Variants in GPATCH2L observed in about 807,000 individuals in gnomAD.
GPATCH2L encodes the protein G-patch domain containing 2 like.
Under a neutral mutation model 57.4 loss-of-function variants are expected in GPATCH2L, and 31 were observed. The observed-to-expected ratio is 0.54, with a 90% CI of 0.41 to 0.73. The LOEUF (loss-of-function observed/expected upper bound fraction) is 0.73. Among genes scored for constraint, GPATCH2L ranks in the 30% least tolerant of loss-of-function variants. The probability of loss-of-function intolerance (pLI) is 0.00; values close to 1 mark genes in which losing one functional copy is unlikely to be tolerated. For synonymous variants in GPATCH2L, 199 were observed against 210.7 expected, an observed-to-expected ratio of 0.94 and a Z score of 0.48; for missense variants, 481 against 599.9, an observed-to-expected ratio of 0.80 and a Z score of 2.07.
downstream of GPATCH2L, among the ~76,000 whole-genome samples, chr14:76,217,605 ACCT>A (rs2040495560): frequency 6.6e-6 from 1 of 150,966 alleles, no homozygotes; most frequent in African/African-American, 2.4e-5. Flanking sequence ...TGAAAAAAAA[ACCT>A]TGCATGCATA....
At position 76,154,934 on chromosome 14, in the gene GPATCH2L, AG is replaced by A; in HGVS notation, c.573del (p.Thr192LeufsTer3). ...GHGLCESAEN[R>X]TFLSKTGRKE... ...CGGATTGTGTGAATCAGCAGAAAAT[AG>A]GACTTTCCTAAGCAAAACAGGAAGG... On this transcript the variant is annotated frameshift_variant, in exon 2 of 10. Transcript: ENST00000261530. LOFTEE classifies it high-confidence loss of function. This position sits in a 1 kb window ranked among gnomAD's most constrained non-coding sequence, Gnocchi z 4.4. 6.2e-7 allele frequency: 1 copy of A among 1,614,186 alleles called. No homozygotes were observed. Among genetic ancestry groups the A allele is most frequent in the Non-Finnish European group, 8.5e-7 (1 of 1,179,980 alleles).
At chr14:76,182,603 AAAAG>A (rs1443531955) in intron 8 of GPATCH2L, among the ~76,000 whole-genome samples, 10 of 150,506 alleles carry the variant, frequency 6.6e-5, no homozygotes, top group African/African-American at 2.5e-4. Context: ...AAAAAAAAAA[AAAAG>A]AAAAGAATGT....
chr14:76,227,420 C>G (rs1479799972), intron 1 of GPATCH2L, among the ~76,000 whole-genome samples: 1 of 152,078 alleles, frequency 6.6e-6, no homozygotes, highest in East Asian at 1.9e-4. Flanking sequence ...GTACCAGAGT[C>G]CAGGGGGGAG....
downstream of GPATCH2L, among the ~76,000 whole-genome samples, chr14:76,215,249 T>C (rs1269494817): frequency 6.6e-6 from 1 of 151,890 alleles, no homozygotes; most frequent in Non-Finnish European, 1.5e-5. Context: ...TGGCAATCAT[T>C]AAAAAGTCAG....
In GPATCH2L at chr14:76,214,053, G is replaced by A. The variant is rs1157948234; in HGVS notation, c.*12202G>A. Reference sequence around the variant, plus strand: ...TCCCCCTTATAATTTTTCCTATTGTGCTTCTGGCTATTCATACATGTTTGT... The same window carrying A: ...TCCCCCTTATAATTTTTCCTATTGTACTTCTGGCTATTCATACATGTTTGT... On this transcript the variant is annotated 3_prime_UTR_variant, in exon 10 of 10. Transcript: ENST00000261530. 6.6e-6 allele frequency: 1 copy of A among 152,016 alleles called. No individual in the cohort carries two copies. Among genetic ancestry groups the A allele is most frequent in the Non-Finnish European group, 1.5e-5 (1 of 67,996 alleles). 9.4% of individuals were successfully genotyped at this position (152,016 alleles called of 1,614,324 possible).
downstream of GPATCH2L, among the ~76,000 whole-genome samples, chr14:76,216,934 T>A (rs2139857388): frequency 6.6e-6 from 1 of 152,202 alleles, no homozygotes; most frequent in South Asian, 2.1e-4. Flanking sequence ...AAAAGATGGA[T>A]TATAAAAATG....
chr14:76,154,964 G>A lies in GPATCH2L; in HGVS notation c.601G>A (p.Glu201Lys). ...RTFLSKTGRK[E>K]RMECETDEQK... ...TTTCCTAAGCAAAACAGGAAGGAAA[G>A]AAAGGATGGAGTGTGAAACAGATGA... Residue 201 changes from glutamate to lysine, a missense_variant, in exon 2 of 10, where the codon GAA (glutamate) becomes AAA (lysine). This residue lies in a region of GPATCH2L where 208 missense variants were observed against 272.4 expected (regional missense o/e 0.76). Coordinates refer to ENST00000261530, the MANE Select transcript of GPATCH2L (RefSeq NM_017926.4). The surrounding 1 kb of genome is among the most constrained non-coding windows in gnomAD (Gnocchi z 4.4). 1 of 1,614,042 alleles carries A rather than the reference G, an allele frequency of 6.2e-7. No individual in the cohort carries two copies. The highest frequency in any genetic ancestry group is 2.2e-5 in the East Asian group (1 of 44,888).
At chr14:76,219,833 T>C (rs115053357) in intron 1 of GPATCH2L, among the ~76,000 whole-genome samples, 2 of 152,104 alleles carry the variant, frequency 1.3e-5, no homozygotes, top group African/African-American at 4.8e-5. Context: ...GATTTGTGAG[T>C]GGTGGCAGTT....
chr14:76,169,539 C>T (rs1023090811), intron 3 of GPATCH2L, among the ~76,000 whole-genome samples: 2 of 152,154 alleles, frequency 1.3e-5, no homozygotes, highest in East Asian at 3.9e-4. Context: ...TCCCTGGCAG[C>T]GCTCTTTTAA....
At chr14:76,184,274 G>C (rs953172292) in intron 8 of GPATCH2L, among the ~76,000 whole-genome samples, 1 of 152,124 alleles carries the variant, frequency 6.6e-6, no homozygotes, top group African/African-American at 2.4e-5. Context: ...TCCTCAGGGA[G>C]TGCTTCCCTT....
At chr14:76,231,831 T>A (rs531292385) in intron 2 of GPATCH2L, among the ~76,000 whole-genome samples, 2 of 152,376 alleles carry the variant, frequency 1.3e-5, no homozygotes, top group South Asian at 4.1e-4. Flanking sequence ...ATTCTACATG[T>A]ATATAGTAAT....
Position 76,232,992 on chromosome 14 carries a change from A to G in GPATCH2L, c.*117+3039A>G, listed in dbSNP as rs144486593. Among the ~76,000 whole-genome samples, 264 of 152,310 alleles carry G rather than the reference A, an allele frequency of 1.7e-3. 1 individual carries two copies. Among genetic ancestry groups the G allele is most frequent in the South Asian group, 0.016 (75 of 4,816 alleles). ...CCAGTGGCCAAGGCCCCAGGCAAAC[A>G]AAGGCACTCTTACCAGGCAGGACAT... On this transcript the variant is annotated intron_variant and NMD_transcript_variant, in intron 2 of 3. Coordinates refer to the GPATCH2L transcript ENST00000556372.
intron 5 of GPATCH2L, chr14:76,175,291 A>C (rs923442700): frequency 6.6e-6 from 1 of 152,138 alleles, no homozygotes; most frequent in South Asian, 2.1e-4. Context: ...AATGAATAGG[A>C]TAATATTTAC....
chr14:76,160,857 T>C (rs946102288), intron 2 of GPATCH2L, among the ~76,000 whole-genome samples: 1 of 152,188 alleles, frequency 6.6e-6, no homozygotes, highest in African/African-American at 2.4e-5. Context: ...ATGGGTGGAC[T>C]TCTCTGAGGC....
chr14:76,168,207 A>G (rs968570151), intron 3 of GPATCH2L, among the ~76,000 whole-genome samples: 10 of 152,194 alleles, frequency 6.6e-5, no homozygotes, highest in Non-Finnish European at 1.2e-4. Context: ...TCCTTGAATG[A>G]CTGGTCATCT....
At chr14:76,172,528 A>T (rs2039132815) in intron 4 of GPATCH2L, among the ~76,000 whole-genome samples, 1 of 152,120 alleles carries the variant, frequency 6.6e-6, no homozygotes, top group African/African-American at 2.4e-5. Flanking sequence ...TTCAATTATG[A>T]TGTAGCAAAG....
chr14:76,190,948 C>G (rs1478152169), intron 8 of GPATCH2L, among the ~76,000 whole-genome samples: 3 of 152,088 alleles, frequency 2.0e-5, no homozygotes, highest in Admixed American at 1.3e-4. Context: ...TTATACTTAG[C>G]CTTTTATACA....
At chr14:76,200,234 C>G (rs544505811) in intron 9 of GPATCH2L, among the ~76,000 whole-genome samples, 37 of 152,158 alleles carry the variant, frequency 2.4e-4, no homozygotes, top group African/African-American at 8.0e-4. Flanking sequence ...ATGAAAAAGT[C>G]CTGGTGATAA....
In GPATCH2L at chr14:76,208,216, A is replaced by G. The variant is rs150279365; in HGVS notation, c.*6365A>G. On this transcript the variant is annotated 3_prime_UTR_variant, in exon 10 of 10. Coordinates refer to ENST00000261530, the MANE Select transcript of GPATCH2L (RefSeq NM_017926.4). The stretch of plus-strand genomic sequence containing the variant: ...AGTTCTGACCCTTGCTGACCCCTCA[A>G]TCAAATGTTTTTAATTGAAAGGGGA... 1 of 152,188 alleles carries G rather than the reference A, an allele frequency of 6.6e-6. No individual in the cohort carries two copies. The highest frequency in any genetic ancestry group is 6.5e-5 in the Admixed American group (1 of 15,272). 9.4% of individuals were successfully genotyped at this position (152,188 alleles called of 1,614,324 possible). A position where few individuals can be genotyped will look rare whatever the true frequency, so the allele number is the denominator to read the frequency against.
Sources: gnomAD v4.1 joint callset for allele counts (sites outside exome capture counted in the v4.1 genomes callset) on GRCh38, gnomAD v4.1.1 for gene constraint, gnomAD v4.1.1 regional missense constraint, Gnocchi (gnomAD v3.1) non-coding constraint, MANE v1.5 for transcripts, NCBI Gene and HGNC (gene_info 2026-07-23, HGNC 2026-07-21) for gene names.